The following MMP16 variants were observed in gnomAD, a reference collection of about 807,000 sequenced individuals.
MMP16 encodes matrix metallopeptidase 16.
MMP16 carries 12 observed loss-of-function variants against 67.8 expected under a neutral mutation model. That is an observed-to-expected ratio of 0.18 (90% CI 0.11 to 0.29). The LOEUF is 0.29. Among genes scored for constraint, MMP16 ranks in the 10% least tolerant of loss-of-function variants. The pLI, the probability that MMP16 is intolerant of heterozygous loss-of-function variation, is 1.00. For missense variants in MMP16, 475 were observed against 765.7 expected (o/e 0.62, Z 4.48); for synonymous variants, 249 against 255.9 (o/e 0.97, Z 0.26).
At chr8:88,126,046 T>A (rs777890616) in intron 4 of MMP16, among the ~76,000 whole-genome samples, 6 of 152,056 alleles carry the variant, frequency 3.9e-5, no homozygotes, top group Middle Eastern at 3.4e-3. Flanking sequence ...ATTATTTATA[T>A]GGCAATCCTG....
At chr8:88,253,864 C>A (rs1348840081) in intron 1 of MMP16, among the ~76,000 whole-genome samples, 1 of 151,724 alleles carries the variant, frequency 6.6e-6, no homozygotes. Flanking sequence ...TTGGTAGAGA[C>A]ATGGTCTCAC....
At chr8:88,178,369 A>G (rs1174088529) in intron 3 of MMP16, among the ~76,000 whole-genome samples, 8 of 152,230 alleles carry the variant, frequency 5.3e-5, no homozygotes, top group Admixed American at 5.2e-4. Context: ...GAAAGATGGC[A>G]GCTCTAGAGA....
chr8:88,066,105 C>A (rs1410336751), intron 7 of MMP16, among the ~76,000 whole-genome samples: 1 of 152,050 alleles, frequency 6.6e-6, no homozygotes, highest in Non-Finnish European at 1.5e-5. Flanking sequence ...TTTGAGACAA[C>A]CTTTCAGCTA....
intron 4 of MMP16, among the ~76,000 whole-genome samples, chr8:88,134,777 G>A (rs532696736): frequency 6.6e-6 from 1 of 150,888 alleles, no homozygotes; most frequent in Non-Finnish European, 1.5e-5. Flanking sequence ...CTAGACATGT[G>A]TGTGATCCAC....
intron 7 of MMP16, among the ~76,000 whole-genome samples, chr8:88,070,989 A>T (rs1225659100): frequency 6.6e-6 from 1 of 152,146 alleles, no homozygotes; most frequent in East Asian, 1.9e-4. Context: ...CATACTAAAA[A>T]GCAGTAAGAT....
In MMP16 at chr8:88,082,909, C is replaced by A. The variant is rs1257174581; in HGVS notation, c.1084-8166G>T. Among the ~76,000 whole-genome samples the A allele has an allele frequency of 1.3e-5, 2 of 151,738 alleles. 1 individual carries two copies. The highest frequency in any genetic ancestry group is 4.2e-4 in the South Asian group (2 of 4,818). ...ATCTGTATAAGAAATTGGAAACATA[C>A]CCACATGGAGAAAATAAATATATCA... is the stretch of plus-strand genomic sequence containing the variant. On this transcript the variant is annotated intron_variant, in intron 6 of 9. Coordinates refer to ENST00000286614, the MANE Select transcript of MMP16 (RefSeq NM_005941.5).
chr8:88,199,594 G>A (rs1519933), intron 1 of MMP16, among the ~76,000 whole-genome samples: 150,817 of 152,064 alleles, frequency 0.99, 74,797 homozygotes, highest in East Asian at 1. Flanking sequence ...GTAATATTTG[G>A]AAATGTATCT....
intron 6 of MMP16, among the ~76,000 whole-genome samples, chr8:88,091,858 A>G (rs1179222820): frequency 6.6e-6 from 1 of 151,888 alleles, no homozygotes; most frequent in Non-Finnish European, 1.5e-5. Flanking sequence ...AGTGCTTAAT[A>G]GCAGCCTTTT....
At chr8:88,201,610 T>C (rs1261435194) in intron 1 of MMP16, among the ~76,000 whole-genome samples, 1 of 152,180 alleles carries the variant, frequency 6.6e-6, no homozygotes, top group Non-Finnish European at 1.5e-5. Flanking sequence ...TGTTTAAATC[T>C]ATGATGTTTA....
At position 88,226,940 on chromosome 8, in the gene MMP16, T is replaced by C. The variant is rs146333879; in HGVS notation, c.133-29634A>G. Among the ~76,000 whole-genome samples the C allele has an allele frequency of 3.9e-3, 587 of 152,048 alleles. 5 individuals carry two copies. Among genetic ancestry groups the C allele is most frequent in the African/African-American group, 0.013 (557 of 41,520 alleles). ...CTCGGAAATCATTTTGATTAAAACA[T>C]TTAAGAACACGAAAACAATAACTAG... On this transcript the variant is annotated intron_variant, in intron 1 of 9. Transcript: ENST00000286614.
chr8:88,287,440 A>G lies in MMP16; in HGVS notation c.132+39635T>C, dbSNP rs558555237. Among the ~76,000 whole-genome samples the G allele has an allele frequency of 2.0e-5, 3 of 152,328 alleles. No individual in the cohort carries two copies. In the East Asian group the frequency reaches 5.8e-4, roughly 29 times the overall value. ...TGCTAGATCAAAGTTATGAGTTTTC[A>G]TCTCATCAAGTGCATCTTCTTCATA... On this transcript the variant is annotated intron_variant, in intron 1 of 9. Coordinates refer to ENST00000286614, the MANE Select transcript of MMP16 (RefSeq NM_005941.5).
At chr8:88,300,736 G>T (rs1041826417) in intron 1 of MMP16, among the ~76,000 whole-genome samples, 4 of 152,134 alleles carry the variant, frequency 2.6e-5, no homozygotes, top group African/African-American at 9.7e-5. Context: ...AAGACAAGGG[G>T]ATACTGCTGA....
At chr8:88,123,003 A>G (rs1290190332) in intron 4 of MMP16, among the ~76,000 whole-genome samples, 1 of 151,564 alleles carries the variant, frequency 6.6e-6, no homozygotes, top group Non-Finnish European at 1.5e-5. Flanking sequence ...CAACATGGAT[A>G]TCCATGAAAT....
rs1241228787 is a variant in MMP16 at position 88,058,050 on chromosome 8, C to A, written c.1223-1772G>T. Among the ~76,000 whole-genome samples, 5 of 151,950 alleles carry A rather than the reference C, an allele frequency of 3.3e-5. No homozygotes were observed. Among genetic ancestry groups the A allele is most frequent in the Admixed American group, 1.3e-4 (2 of 15,230 alleles). ...GGGAAGACCTCTCTGAAGAAATACA[C>A]CAAAATCTAAAGAAAGAGAAGGTAA... On this transcript the variant is annotated intron_variant, in intron 7 of 9. Transcript: ENST00000286614. This position sits in a 1 kb window ranked among gnomAD's most constrained non-coding sequence, Gnocchi z 4.2.
intron 7 of MMP16, among the ~76,000 whole-genome samples, chr8:88,071,934 A>G (rs1808563808): frequency 6.6e-6 from 1 of 152,224 alleles, no homozygotes; most frequent in South Asian, 2.1e-4. Flanking sequence ...GTCAAAGCCC[A>G]GTTTAAGATA....
intron 1 of MMP16, among the ~76,000 whole-genome samples, chr8:88,323,468 A>G (rs1441122549): frequency 2.6e-5 from 4 of 152,154 alleles, no homozygotes; most frequent in African/African-American, 4.8e-5. Flanking sequence ...GAAATCTAAA[A>G]TATCTCTGCT....
chr8:88,226,630 T>C (rs1354313540), intron 1 of MMP16, among the ~76,000 whole-genome samples: 2 of 152,092 alleles, frequency 1.3e-5, no homozygotes, highest in Admixed American at 6.6e-5. Flanking sequence ...TTCTTAACTC[T>C]TTCTACTAGG....
At position 88,168,321 on chromosome 8, in the gene MMP16, T is replaced by C. The variant is rs183717218; in HGVS notation, c.405-348A>G. Among the ~76,000 whole-genome samples the C allele has an allele frequency of 6.6e-5, 10 of 152,258 alleles. 1 individual carries two copies. The highest frequency in any genetic ancestry group is 5.9e-4 in the Admixed American group (9 of 15,274). The stretch of plus-strand genomic sequence containing the variant: ...AACAGTTTGGAGCTGAAATAAAAAT[T>C]TCAATTTTTTCTAGTTATAATTTTT... On this transcript the variant is annotated intron_variant, in intron 3 of 9. Coordinates refer to ENST00000286614, the MANE Select transcript of MMP16 (RefSeq NM_005941.5).
intron 3 of MMP16, among the ~76,000 whole-genome samples, chr8:88,172,262 T>C (rs1459423377): frequency 6.6e-6 from 1 of 152,158 alleles, no homozygotes; most frequent in Non-Finnish European, 1.5e-5. Context: ...ATGATTAAAA[T>C]TACTAACTTT....
Sources: gnomAD v4.1 joint callset for allele counts (sites outside exome capture counted in the v4.1 genomes callset) on GRCh38, gnomAD v4.1.1 for gene constraint, Gnocchi (gnomAD v3.1) non-coding constraint, MANE v1.5 for transcripts, NCBI Gene and HGNC (gene_info 2026-07-23, HGNC 2026-07-21) for gene names.